The following TRHDE variants were observed in gnomAD, a reference collection of about 807,000 sequenced individuals.
TRHDE encodes the protein thyrotropin releasing hormone degrading enzyme, also known as thyrotropin-releasing hormone-degrading ectoenzyme.
A neutral mutation model predicts 125.7 loss-of-function variants in TRHDE; 72 were observed. The observed-to-expected ratio is 0.57, with a 90% CI of 0.47 to 0.70. The LOEUF (loss-of-function observed/expected upper bound fraction) is 0.70. Ranked by LOEUF, TRHDE falls within the 30% of genes least tolerant of loss-of-function variation. The probability of loss-of-function intolerance (pLI) is 0.00; values close to 1 mark genes in which losing one functional copy is unlikely to be tolerated. For missense variants in TRHDE, 1,110 were observed against 1,327.1 expected (o/e 0.84, Z 2.54); for synonymous variants, 509 against 509.1 (o/e 1.00, Z 0.00).
intron 3 of TRHDE, among the ~76,000 whole-genome samples, chr12:72,446,248 C>T (rs936181197): frequency 2.0e-5 from 3 of 150,898 alleles, no homozygotes; most frequent in African/African-American, 7.3e-5. Flanking sequence ...GTGTGCTGCA[C>T]CCATTAACTT....
At chr12:72,183,534 CATG>C (rs1258483061) in intron 2 of TRHDE, among the ~76,000 whole-genome samples, 2 of 152,142 alleles carry the variant, frequency 1.3e-5, no homozygotes, top group African/African-American at 2.4e-5. Context: ...ACAAAAAGAT[CATG>C]ATATTAGGTT....
chr12:72,378,102 C>A lies in TRHDE; in HGVS notation c.1296C>A (p.Pro432=). ...TTTATGAAGACTACTTTAAAGTGCCCTATTCCTTGCCAAAACTAGGTAAGA... is the reference window on the plus strand; with the variant it reads ...TTTATGAAGACTACTTTAAAGTGCCATATTCCTTGCCAAAACTAGGTAAGA... ...IEFYEDYFKV[P]YSLPKLDLLA... is the part of the protein sequence containing the mutation. The change falls in exon 3 of 19, where the codon CCC becomes CCA. Residue 432 remains proline, a synonymous_variant. Transcript: ENST00000261180. 1 of 1,581,288 alleles carries A rather than the reference C, an allele frequency of 6.3e-7. No homozygotes were observed. The highest frequency in any genetic ancestry group is 8.5e-7 in the Non-Finnish European group (1 of 1,169,950).
chr12:72,293,097 C>T (rs1165481311), intron 2 of TRHDE, among the ~76,000 whole-genome samples: 1 of 152,004 alleles, frequency 6.6e-6, no homozygotes, highest in African/African-American at 2.4e-5. Context: ...TATGGAACCT[C>T]AGCTGGGGCT....
rs377317805 is a variant in TRHDE, at chr12:72,668,941, T to C, written c.*5746T>C. On this transcript the variant is annotated 3_prime_UTR_variant, in exon 19 of 19. Coordinates refer to ENST00000261180, the MANE Select transcript of TRHDE (RefSeq NM_013381.3). ...AATAGGTACTTAGCACACTTTATCA[T>C]TGTCACTGGCTCTTTCGAAAGAAGT... is the stretch of plus-strand genomic sequence containing the variant. The C allele has an allele frequency of 6.6e-5, 10 of 151,802 alleles. No individual in the cohort carries two copies. Among genetic ancestry groups the C allele is most frequent in the African/African-American group, 2.4e-4 (10 of 41,410 alleles). The allele number at this position is 151,802 out of a possible 1,614,324, so 9.4% of individuals were successfully genotyped here. A position where few individuals can be genotyped will look rare whatever the true frequency, so the allele number is the denominator to read the frequency against.
intron 15 of TRHDE, among the ~76,000 whole-genome samples, chr12:72,635,072 G>A (rs202225138): frequency 0.27 from 39,663 of 149,592 alleles, 6,315 homozygotes; most frequent in Admixed American, 0.36. Context: ...CTGAGGAATC[G>A]CCACACTGAC....
intron 2 of TRHDE, among the ~76,000 whole-genome samples, chr12:72,261,525 G>A (rs571392812): frequency 1.3e-5 from 2 of 152,178 alleles, no homozygotes; most frequent in African/African-American, 4.8e-5. Context: ...GCAGAATTTT[G>A]GCTTTTGAAA....
At chr12:72,368,424 A>G (rs1871430840) in intron 2 of TRHDE, among the ~76,000 whole-genome samples, 1 of 152,124 alleles carries the variant, frequency 6.6e-6, no homozygotes, top group Non-Finnish European at 1.5e-5. Context: ...ACAATGAAAG[A>G]TAGAACTTTG....
intron 14 of TRHDE, 115 bp downstream of exon 14, chr12:72,621,320 A>G: frequency 1.4e-6 from 1 of 732,858 alleles, no homozygotes; most frequent in South Asian, 1.8e-5. Context: ...TCTTCATCTT[A>G]CATTTCACTT....
At chr12:72,338,757 A>AGACATATTCTAGATAAATTTTGTG (rs1487181585) in intron 2 of TRHDE, among the ~76,000 whole-genome samples, 1 of 152,178 alleles carries the variant, frequency 6.6e-6, no homozygotes, top group African/African-American at 2.4e-5. Context: ...TCCACGGGGA[A>AGACATATTCTAGATAAATTTTGTG]GACATATTCT....
At chr12:72,412,416 C>T (rs1410895938) in intron 3 of TRHDE, among the ~76,000 whole-genome samples, 5 of 151,784 alleles carry the variant, frequency 3.3e-5, no homozygotes, top group African/African-American at 1.2e-4. Flanking sequence ...TTATAAAATC[C>T]GACAATACCA....
intron 2 of TRHDE, among the ~76,000 whole-genome samples, chr12:72,305,408 T>C (rs1868325448): frequency 6.6e-6 from 1 of 152,222 alleles, no homozygotes; most frequent in African/African-American, 2.4e-5. Context: ...TTGCTGTTGC[T>C]CATGGTATGA....
At chr12:72,584,124 A>G (rs1181873852) in intron 12 of TRHDE, among the ~76,000 whole-genome samples, 1 of 152,038 alleles carries the variant, frequency 6.6e-6, no homozygotes, top group Non-Finnish European at 1.5e-5. Flanking sequence ...ATTAAATCAA[A>G]AGCAAATTTG....
At chr12:72,266,698 C>T (rs1180679033) in intron 2 of TRHDE, among the ~76,000 whole-genome samples, 2 of 151,858 alleles carry the variant, frequency 1.3e-5, no homozygotes, top group African/African-American at 2.4e-5. Context: ...ATTCATTATG[C>T]AATTGGATAG....
At chr12:72,570,560 G>T (rs1870669033) in intron 10 of TRHDE, among the ~76,000 whole-genome samples, 1 of 121,612 alleles carries the variant, frequency 8.2e-6, no homozygotes, top group Non-Finnish European at 1.6e-5. Flanking sequence ...CAGCCTGAGT[G>T]AGAGAGAGAG....
intron 5 of TRHDE, among the ~76,000 whole-genome samples, chr12:72,486,630 C>T (rs529610100): frequency 6.6e-6 from 1 of 152,190 alleles, no homozygotes; most frequent in Non-Finnish European, 1.5e-5. Flanking sequence ...CCCTGCCCAA[C>T]TGACACCCAT....
At chr12:72,544,202 T>C (rs746507855) in intron 7 of TRHDE, among the ~76,000 whole-genome samples, 1 of 151,436 alleles carries the variant, frequency 6.6e-6, no homozygotes, top group Admixed American at 6.6e-5. Context: ...TTACAGTAGA[T>C]CCCTACATCT....
chr12:72,358,010 A>C (rs2135747600), intron 2 of TRHDE, among the ~76,000 whole-genome samples: 1 of 151,768 alleles, frequency 6.6e-6, no homozygotes, highest in South Asian at 2.1e-4. Flanking sequence ...AAGTTGTGAA[A>C]TATTTAAAAA....
rs1351093300 is a variant in TRHDE, at chr12:72,563,132, A to G, written c.2042+92A>G. On this transcript the variant is annotated intron_variant, in intron 9 of 18. Coordinates refer to ENST00000261180, the MANE Select transcript of TRHDE (RefSeq NM_013381.3). ...AAGAGCATTAATAACAAAATTCTGA[A>G]ATATTGTAAGTGAAATATAGTTTTT... 6 of 970,540 alleles carry G rather than the reference A, an allele frequency of 6.2e-6. No individual in the cohort carries two copies. The East Asian group carries it at 1.3e-4, about 22-fold the overall frequency. 60.1% of individuals were successfully genotyped at this position (970,540 alleles called of 1,614,324 possible).
intron 15 of TRHDE, among the ~76,000 whole-genome samples, chr12:72,646,777 A>G (rs566086420): frequency 6.6e-6 from 1 of 152,226 alleles, no homozygotes; most frequent in African/African-American, 2.4e-5. Flanking sequence ...AAACCACTAG[A>G]AAGATATAAC....
Sources: allele counts gnomAD v4.1 joint callset (sites outside exome capture counted in the v4.1 genomes callset), GRCh38; gene constraint gnomAD v4.1.1; transcripts MANE v1.5; gene names NCBI Gene and HGNC (gene_info 2026-07-23, HGNC 2026-07-21).